GAS2: variants seen among roughly 807,000 people sequenced by gnomAD.
GAS2 encodes growth arrest specific 2, also known as growth arrest-specific protein 2.
GAS2 carries 20 observed loss-of-function variants against 37.5 expected under a neutral mutation model. That is an observed-to-expected ratio of 0.53 (90% CI 0.37 to 0.77). The LOEUF (loss-of-function observed/expected upper bound fraction) is 0.77, where lower values mean the gene tolerates loss of function less well. Among genes scored for constraint, GAS2 ranks in the 30% least tolerant of loss-of-function variants. GAS2 has a pLI of 0.00. For synonymous variants in GAS2, 144 were observed against 132.2 expected (o/e 1.09, Z -0.61); for missense variants, 336 against 373.4 (o/e 0.90, Z 0.82).
intron 7 of GAS2, among the ~76,000 whole-genome samples, chr11:22,761,894 A>T (rs1237031237): frequency 1.3e-5 from 2 of 152,128 alleles, no homozygotes; most frequent in Non-Finnish European, 2.9e-5. Flanking sequence ...AGCAGTATTG[A>T]TCACTTTACC....
rs967778266 is a variant in GAS2 at position 22,699,379 on chromosome 11, A to T, written c.267+13590A>T. On this transcript the variant is annotated intron_variant, in intron 3 of 7. Coordinates refer to ENST00000454584, the MANE Select transcript of GAS2 (RefSeq NM_001143830.3). The stretch of plus-strand genomic sequence containing the variant: ...TTGTGGGGAATCAGGTGACAGGTAG[A>T]TTTTTTAAATCTGAAATTATTGGAA... Among the ~76,000 whole-genome samples, 14 of 152,138 alleles carry T rather than the reference A, an allele frequency of 9.2e-5. No individual in the cohort carries two copies. The East Asian group carries it at 2.7e-3, about 29-fold the overall frequency.
At chr11:22,668,276 G>A (rs893022919) in intron 1 of GAS2, 10 of 152,742 alleles carry the variant, frequency 6.5e-5, no homozygotes, top group Admixed American at 2.0e-4. Context: ...TGCGGTGAAG[G>A]TGGTGGCTCT....
At chr11:22,653,470 A>G (rs1366917908) in intron 1 of GAS2, among the ~76,000 whole-genome samples, 1 of 152,202 alleles carries the variant, frequency 6.6e-6, no homozygotes, top group African/African-American at 2.4e-5. Context: ...AAATATGTTG[A>G]AAAAGGTATC....
At chr11:22,763,616 TACACAC>T (rs34715661) in intron 7 of GAS2, among the ~76,000 whole-genome samples, 13,372 of 143,724 alleles carry the variant, frequency 0.093, 633 homozygotes, top group Non-Finnish European at 0.12. Context: ...AAAATACACA[TACACAC>T]ACACACACAC....
chr11:22,768,875 T>C (rs1017983337), intron 7 of GAS2, among the ~76,000 whole-genome samples: 3 of 152,226 alleles, frequency 2.0e-5, no homozygotes, highest in Admixed American at 6.5e-5. Flanking sequence ...CTAGCTTTTG[T>C]ATTAGGCATA....
At chr11:22,754,718 T>C (rs1256305927) in intron 6 of GAS2, among the ~76,000 whole-genome samples, 3 of 152,084 alleles carry the variant, frequency 2.0e-5, no homozygotes, top group Admixed American at 1.3e-4. Flanking sequence ...TTCAATTGAG[T>C]TCATGTTTTA....
chr11:22,754,186 T>G (rs1485002310), intron 6 of GAS2, among the ~76,000 whole-genome samples: 1 of 152,104 alleles, frequency 6.6e-6, no homozygotes, highest in Non-Finnish European at 1.5e-5. Flanking sequence ...TCCATGATTA[T>G]TTTGTTCCTC....
At chr11:22,741,992 T>A (rs1005358732) in intron 5 of GAS2, among the ~76,000 whole-genome samples, 7 of 152,104 alleles carry the variant, frequency 4.6e-5, no homozygotes, top group Non-Finnish European at 7.4e-5. Context: ...AGTTTAGGCC[T>A]CAGTTTGGGG....
intron 3 of GAS2, among the ~76,000 whole-genome samples, chr11:22,703,971 T>C (rs1304564025): frequency 6.6e-6 from 1 of 152,136 alleles, no homozygotes; most frequent in Non-Finnish European, 1.5e-5. Context: ...ATGTGGTAAT[T>C]TGCATATCTT....
intron 6 of GAS2, among the ~76,000 whole-genome samples, chr11:22,751,312 T>A (rs1468895771): frequency 7.2e-5 from 11 of 152,008 alleles, no homozygotes; most frequent in Admixed American, 7.2e-4. Flanking sequence ...AAATTCAGGT[T>A]GCGCTACCCC....
At chr11:22,643,765 A>G (rs2133820904) in intron 1 of GAS2, among the ~76,000 whole-genome samples, 1 of 152,140 alleles carries the variant, frequency 6.6e-6, no homozygotes. Flanking sequence ...TTCATATAGA[A>G]GAGTTCTATA....
At chr11:22,750,861 T>A (rs780947346) in intron 6 of GAS2, among the ~76,000 whole-genome samples, 1 of 151,960 alleles carries the variant, frequency 6.6e-6, no homozygotes, top group Non-Finnish European at 1.5e-5. Context: ...CATTTTTTTT[T>A]AAATGCCTTA....
chr11:22,631,697 T>G (rs1858746677), intron 1 of GAS2, among the ~76,000 whole-genome samples: 1 of 152,180 alleles, frequency 6.6e-6, no homozygotes. Flanking sequence ...ATTATCTTTT[T>G]GATGTGCTGT....
At chr11:22,701,949 A>G (rs753636140) in intron 3 of GAS2, among the ~76,000 whole-genome samples, 1 of 152,192 alleles carries the variant, frequency 6.6e-6, no homozygotes, top group African/African-American at 2.4e-5. Context: ...TAAAAGATAT[A>G]ACAGTATATA....
intron 7 of GAS2, among the ~76,000 whole-genome samples, chr11:22,791,838 A>G (rs1248982884): frequency 6.6e-6 from 1 of 152,238 alleles, no homozygotes; most frequent in Non-Finnish European, 1.5e-5. Context: ...AGGCCCTTCT[A>G]CAAACAAGCA....
At chr11:22,706,220 G>T (rs2134053898) in intron 3 of GAS2, among the ~76,000 whole-genome samples, 2 of 152,222 alleles carry the variant, frequency 1.3e-5, no homozygotes, top group African/African-American at 4.8e-5. Context: ...AAGGAGAAGT[G>T]AAGGTGGAAA....
At chr11:22,648,598 A>T (rs1335666479) in intron 1 of GAS2, among the ~76,000 whole-genome samples, 4 of 151,956 alleles carry the variant, frequency 2.6e-5, no homozygotes, top group Non-Finnish European at 5.9e-5. Context: ...CTTTTATTTC[A>T]TTGAGCAGTG....
chr11:22,643,675 T>C (rs1043425920), intron 1 of GAS2, among the ~76,000 whole-genome samples: 1 of 152,038 alleles, frequency 6.6e-6, no homozygotes, highest in Non-Finnish European at 1.5e-5. Flanking sequence ...CAATTGATGA[T>C]TTTTTTCTAA....
intron 7 of GAS2, among the ~76,000 whole-genome samples, chr11:22,764,894 C>A (rs1156807929): frequency 6.6e-6 from 1 of 152,196 alleles, no homozygotes; most frequent in Non-Finnish European, 1.5e-5. Flanking sequence ...ATCTCCAACT[C>A]AGTTAGCAAG....
Sources: gnomAD v4.1 joint callset for allele counts (sites outside exome capture counted in the v4.1 genomes callset) on GRCh38, gnomAD v4.1.1 for gene constraint, MANE v1.5 for transcripts, NCBI Gene and HGNC (gene_info 2026-07-23, HGNC 2026-07-21) for gene names.